The following ADAMTS10 variants were observed in gnomAD, a reference collection of about 807,000 sequenced individuals.
ADAMTS10 encodes ADAM metallopeptidase with thrombospondin type 1 motif 10.
ADAMTS10 carries 48 observed loss-of-function variants against 135.9 expected under a neutral mutation model. The ratio of observed to expected loss-of-function variants is 0.35; its 90% confidence interval spans 0.28 to 0.45. ADAMTS10 has a LOEUF of 0.45. ADAMTS10 is among the 20% of genes least tolerant of loss of function. The pLI, the probability that ADAMTS10 is intolerant of heterozygous loss-of-function variation, is 1.00. For missense variants in ADAMTS10, 1,131 were observed against 1,565.2 expected, an observed-to-expected ratio of 0.72 and a Z score of 4.68; for synonymous variants, 621 against 647.5, an observed-to-expected ratio of 0.96 and a Z score of 0.62.
At chr19:8,603,652 T>C in intron 5 of ADAMTS10, 76 bp downstream of exon 5, 5 of 1,595,228 alleles carry the variant, frequency 3.1e-6, no homozygotes, top group Non-Finnish European at 4.3e-6. Context: ...GCTGACTTTC[T>C]GGATAAAAAG....
At position 8,592,208 on chromosome 19, in the gene ADAMTS10, C is replaced by CGGGATGAGGCTGGAAG; in HGVS notation, c.1588-106_1588-105insCTTCCAGCCTCATCCC. 4 of 1,571,880 alleles carry CGGGATGAGGCTGGAAG rather than the reference C, an allele frequency of 2.5e-6. No individual in the cohort carries two copies. In the East Asian group the frequency reaches 9.3e-5, roughly 36 times the overall value. ...CCCCAGCCAGAGATATCAGCCTCTC[C>CGGGATGAGGCTGGAAG]GGGATGGGCAGAGGCGGGGTCTGAA... On this transcript the variant is annotated intron_variant, in intron 13 of 25. Coordinates refer to ENST00000597188, the MANE Select transcript of ADAMTS10 (RefSeq NM_030957.4).
intron 6 of ADAMTS10, among the ~76,000 whole-genome samples, chr19:8,598,854 C>A (rs1025201266): frequency 1.1e-4 from 16 of 151,820 alleles, no homozygotes; most frequent in African/African-American, 3.6e-4. Context: ...GGATTACAGG[C>A]GTGAGCCACT....
chr19:8,586,063 T>G, intron 22 of ADAMTS10, 59 bp downstream of exon 22: 1 of 1,610,918 alleles, frequency 6.2e-7, no homozygotes, highest in Non-Finnish European at 8.5e-7. Flanking sequence ...CACTCGCTCT[T>G]GACTCCAGGG....
Position 8,596,861 on chromosome 19 carries a change from T to G in ADAMTS10, c.1040+126A>C. On this transcript the variant is annotated intron_variant, in intron 8 of 25. Coordinates refer to ENST00000597188, the MANE Select transcript of ADAMTS10 (RefSeq NM_030957.4). This position sits in a 1 kb window ranked among gnomAD's most constrained non-coding sequence, Gnocchi z 7.2. ...CAGCCCCTCCCCATCCCTGGCTCCC[T>G]CATGGGCAGCCCAAACTTCTCTGCT... 1 of 1,481,036 alleles carries G rather than the reference T, an allele frequency of 6.8e-7. No individual in the cohort carries two copies. Among genetic ancestry groups the G allele is most frequent in the African/African-American group, 1.4e-5 (1 of 72,146 alleles). 91.7% of individuals were successfully genotyped at this position (1,481,036 alleles called of 1,614,324 possible). A position where few individuals can be genotyped will look rare whatever the true frequency, so the allele number is the denominator to read the frequency against.
rs1555737356 is a variant in ADAMTS10 at position 8,586,753 on chromosome 19, T to G, written c.2240-32A>C. ...GACGATGCAGGGTTCAGAATTCTAG[T>G]CATGCTGAAACCGCCCTCCCCACTG... On this transcript the variant is annotated intron_variant, in intron 19 of 25. Coordinates refer to ENST00000597188, the MANE Select transcript of ADAMTS10 (RefSeq NM_030957.4). 5 of 1,614,032 alleles carry G rather than the reference T, an allele frequency of 3.1e-6. No homozygotes were observed. The South Asian group carries it at 5.5e-5, about 18-fold the overall frequency.
Position 8,603,264 on chromosome 19 carries a change from C to T in ADAMTS10, c.592+464G>A, listed in dbSNP as rs183021089. On this transcript the variant is annotated intron_variant, in intron 5 of 25. Transcript: ENST00000597188. Reference sequence around the variant, plus strand: ...TCTGAGGATATGTCTCTGCTGTCCCCTGGATAGAACTCCCTATTTTTTCTT... The same window carrying T: ...TCTGAGGATATGTCTCTGCTGTCCCTTGGATAGAACTCCCTATTTTTTCTT... Among the ~76,000 whole-genome samples the T allele has an allele frequency of 7.4e-4, 112 of 152,262 alleles. 1 individual carries two copies. The highest frequency in any genetic ancestry group is 2.0e-3 in the Admixed American group (31 of 15,266).
intron 2 of ADAMTS10, among the ~76,000 whole-genome samples, chr19:8,607,790 C>T (rs2042736559): frequency 6.6e-6 from 1 of 151,100 alleles, no homozygotes; most frequent in East Asian, 1.9e-4. Context: ...ATGTCCATTC[C>T]TTCTGTTGTT....
Position 8,596,481 on chromosome 19 carries a change from G to A in ADAMTS10, c.1084+61C>T. The A allele has an allele frequency of 6.2e-7, 1 of 1,612,718 alleles. No homozygotes were observed. The highest frequency in any genetic ancestry group is 8.5e-7 in the Non-Finnish European group (1 of 1,178,854). On this transcript the variant is annotated intron_variant, in intron 9 of 25. Coordinates refer to ENST00000597188, the MANE Select transcript of ADAMTS10 (RefSeq NM_030957.4). This position sits in a 1 kb window ranked among gnomAD's most constrained non-coding sequence, Gnocchi z 7.2. The stretch of plus-strand genomic sequence containing the variant: ...CGGTGCTGGCTGGCCCCATCCACCT[G>A]CCAGGTCTCACCCCAGCCCACTGCC...
At position 8,597,051 on chromosome 19, in the gene ADAMTS10, C is replaced by T. The variant is rs373603462; in HGVS notation, c.976G>A (p.Gly326Ser). The T allele has an allele frequency of 5.8e-5, 94 of 1,614,052 alleles. No homozygotes were observed. Among genetic ancestry groups the T allele is most frequent in the Non-Finnish European group, 7.2e-5 (85 of 1,180,050 alleles). ...KWQKSIVNHS[G>S]HGNAIPENGV... ...TTCTCTGGAATGGCATTGCCATGGC[C>T]GCTGTGGTTCACGATGGATTTCTGC... Residue 326 changes from glycine to serine, a missense_variant, in exon 8 of 26, where the codon GGC becomes AGC. Gly to Ser is a moderately conservative substitution (Grantham distance 56). Transcript: ENST00000597188.
intron 1 of ADAMTS10, among the ~76,000 whole-genome samples, chr19:8,608,776 C>T (rs2146111144): frequency 6.6e-6 from 1 of 152,196 alleles, no homozygotes; most frequent in East Asian, 1.9e-4. Context: ...CCTCCCAAAA[C>T]CCTCACACCC....
rs782324956 is a variant in ADAMTS10 at position 8,605,594 on chromosome 19, C to T, written c.88+29G>A. ...TGGTCTCTTACATTTTTCGCTCCCTCCCCACCGCCACCACCAGACTTCCCC... is the reference window on the plus strand; with the variant it reads ...TGGTCTCTTACATTTTTCGCTCCCTTCCCACCGCCACCACCAGACTTCCCC... On this transcript the variant is annotated intron_variant, in intron 3 of 25. Transcript: ENST00000597188. This position sits in a 1 kb window ranked among gnomAD's most constrained non-coding sequence, Gnocchi z 7.7. 1.2e-6 allele frequency: 2 copies of T among 1,609,430 alleles called. No individual in the cohort carries two copies. The highest frequency in any genetic ancestry group is 1.3e-5 in the African/African-American group (1 of 74,780).
intron 25 of ADAMTS10, among the ~76,000 whole-genome samples, chr19:8,583,810 T>A (rs782053041): frequency 7.9e-5 from 12 of 151,680 alleles, no homozygotes; most frequent in Non-Finnish European, 1.5e-4. Flanking sequence ...TGAGCCGAGA[T>A]CGCTCTACTG....
At chr19:8,609,039 G>A (rs1361752719) in intron 1 of ADAMTS10, among the ~76,000 whole-genome samples, 1 of 151,676 alleles carries the variant, frequency 6.6e-6, no homozygotes, top group African/African-American at 2.4e-5. Context: ...GTGGGTCTGG[G>A]GCCAAAGATG....
intron 15 of ADAMTS10, 101 bp from the exon 16 acceptor site, chr19:8,590,092 G>T: frequency 7.1e-6 from 6 of 842,902 alleles, no homozygotes; most frequent in South Asian, 1.4e-5. Flanking sequence ...GGAGGCTAGA[G>T]GCAGGGAGGC....
At position 8,584,185 on chromosome 19, in the gene ADAMTS10, A is replaced by C. The variant is rs2042392255; in HGVS notation, c.3202+710T>G. ...AAAAAAAAAAAAAAAAAAGTAAATA[A>C]AAAAATAAAAAAAATTACCTAGGCA... On this transcript the variant is annotated intron_variant, in intron 25 of 25. Transcript: ENST00000597188. 2.0e-5 allele frequency among the ~76,000 whole-genome samples: 3 copies of C among 151,390 alleles called. No individual in the cohort carries two copies. The South Asian group carries it at 6.2e-4, about 31-fold the overall frequency.
intron 4 of ADAMTS10, 180 bp downstream of exon 4, chr19:8,604,832 C>A: frequency 2.8e-6 from 2 of 705,414 alleles, no homozygotes; most frequent in Non-Finnish European, 4.7e-6. Flanking sequence ...TTCAGCCTTA[C>A]CTAAGGCTAT....
At position 8,585,171 on chromosome 19, in the gene ADAMTS10, G is replaced by C. The variant is rs1555736579; in HGVS notation, c.3003C>G (p.Arg1001=). 6 of 1,410,692 alleles carry C rather than the reference G, an allele frequency of 4.3e-6. No homozygotes were observed. Among genetic ancestry groups the C allele is most frequent in the Admixed American group, 6.2e-5 (2 of 32,244 alleles). 87.4% of individuals were successfully genotyped at this position (1,410,692 alleles called of 1,614,324 possible). Residue 1001 remains arginine, a synonymous_variant, in exon 24 of 26, where the codon CGC becomes CGG. Transcript: ENST00000597188. ...CAGCCACCCAGCGGGCCGGGGGGCA[G>C]CGGCGCAAGTTGCAGCGCATGGTGG... The part of the protein sequence containing the change: ...PPATMRCNLR[R]CPPARWVAGE...
chr19:8,584,827 C>T, intron 25 of ADAMTS10, 68 bp downstream of exon 25: 1 of 1,539,370 alleles, frequency 6.5e-7, no homozygotes, highest in Non-Finnish European at 8.8e-7. Context: ...AGTCAGGACC[C>T]CCAATGCCCT....
intron 23 of ADAMTS10, 37 bp downstream of exon 23, chr19:8,585,419 G>A (rs782101044): frequency 6.5e-7 from 1 of 1,537,202 alleles, no homozygotes; most frequent in South Asian, 1.2e-5. Flanking sequence ...ACCCCACCTG[G>A]GCATCCCAGT....
Sources: allele counts gnomAD v4.1 joint callset (sites outside exome capture counted in the v4.1 genomes callset), GRCh38; gene constraint gnomAD v4.1.1; non-coding constraint Gnocchi (gnomAD v3.1); transcripts MANE v1.5; gene names NCBI Gene and HGNC (gene_info 2026-07-23, HGNC 2026-07-21).